Variants in IL1RAPL1 observed in about 807,000 individuals in gnomAD.
IL1RAPL1 encodes the protein interleukin 1 receptor accessory protein like 1.
Under a neutral mutation model 48.4 loss-of-function variants are expected in IL1RAPL1, and 3 were observed. That is an observed-to-expected ratio of 0.06 (90% CI 0.03 to 0.16). The LOEUF (loss-of-function observed/expected upper bound fraction) is 0.16. Among genes scored for constraint, IL1RAPL1 ranks in the 10% least tolerant of loss-of-function variants. The pLI is 1.00. For synonymous variants in IL1RAPL1, 185 were observed against 187.7 expected, an observed-to-expected ratio of 0.99 and a Z score of 0.12; for missense variants, 349 against 530.6, an observed-to-expected ratio of 0.66 and a Z score of 3.36.
intron 6 of IL1RAPL1, among the ~76,000 whole-genome samples, chrX:29,843,907 C>T (rs1221392469): frequency 9.0e-6 from 1 of 110,783 alleles, no homozygotes; most frequent in African/African-American, 3.3e-5. Flanking sequence ...CCCAGATATT[C>T]CAGGCTTGTC....
chrX:28,760,006 T>C (rs1177159213), intron 1 of IL1RAPL1, among the ~76,000 whole-genome samples: 1 of 112,193 alleles, frequency 8.9e-6, no homozygotes, highest in Non-Finnish European at 1.9e-5. Context: ...TATTCTTCTG[T>C]ACTTTTAGGA....
intron 2 of IL1RAPL1, among the ~76,000 whole-genome samples, chrX:28,798,394 T>A (rs1936638457): frequency 9.0e-6 from 1 of 111,691 alleles, no homozygotes; most frequent in Non-Finnish European, 1.9e-5. Context: ...ATCTTACAGT[T>A]CTTGAGGTTC....
chrX:28,821,765 G>A (rs1024760271), intron 2 of IL1RAPL1, among the ~76,000 whole-genome samples: 2 of 111,244 alleles, frequency 1.8e-5, no homozygotes, highest in African/African-American at 6.5e-5. Context: ...GCCAGAAATT[G>A]GGTGAAGTTT....
chrX:29,679,437 T>A (rs1315953165), intron 6 of IL1RAPL1, among the ~76,000 whole-genome samples: 1 of 111,730 alleles, frequency 9.0e-6, no homozygotes, highest in Non-Finnish European at 1.9e-5. Context: ...ACTGAAATAT[T>A]TGGGGTGCAA....
intron 1 of IL1RAPL1, among the ~76,000 whole-genome samples, chrX:28,763,812 T>C (rs945434405): frequency 4.5e-5 from 5 of 110,794 alleles, no homozygotes; most frequent in African/African-American, 1.6e-4. Flanking sequence ...TCCAAACACA[T>C]GGCAACCCTT....
intron 6 of IL1RAPL1, among the ~76,000 whole-genome samples, chrX:29,772,742 T>G (rs1301112325): frequency 8.9e-6 from 1 of 112,062 alleles, no homozygotes; most frequent in Non-Finnish European, 1.9e-5. Context: ...CCTGATTAGT[T>G]TCCCCTCCTC....
intron 5 of IL1RAPL1, among the ~76,000 whole-genome samples, chrX:29,413,406 A>C (rs1329740741): frequency 9.0e-6 from 1 of 110,605 alleles, no homozygotes; most frequent in Non-Finnish European, 1.9e-5. Flanking sequence ...CACAACGTGC[A>C]GGTTTGTTAC....
intron 1 of IL1RAPL1, among the ~76,000 whole-genome samples, chrX:28,760,616 C>T (rs999452404): frequency 2.7e-5 from 3 of 111,419 alleles, no homozygotes; most frequent in African/African-American, 6.5e-5. Flanking sequence ...AATACCATAA[C>T]GTGTAAAAGT....
At chrX:28,603,039 A>G (rs927290707) in intron 1 of IL1RAPL1, among the ~76,000 whole-genome samples, 2 of 111,646 alleles carry the variant, frequency 1.8e-5, no homozygotes, top group Admixed American at 9.6e-5. Flanking sequence ...ACTTTTTGAG[A>G]CTATTGAAAG....
chrX:29,715,220 T>C (rs4128143), intron 6 of IL1RAPL1, among the ~76,000 whole-genome samples: 36,825 of 110,436 alleles, frequency 0.33, 4,889 homozygotes, highest in South Asian at 0.48. Context: ...TCACAACCCC[T>C]TTCTCTGGAG....
At chrX:28,725,282 A>G (rs759658872) in intron 1 of IL1RAPL1, among the ~76,000 whole-genome samples, 5 of 111,449 alleles carry the variant, frequency 4.5e-5, no homozygotes, top group African/African-American at 1.6e-4. Context: ...AATCAAACAC[A>G]TAAACATTCA....
rs192041525 is a variant in IL1RAPL1, at chrX:28,898,346, T to C, written c.82+108921T>C. ...ACTAGTAAGTCTGCCTAACTTAAGA[T>C]CACAAAAATTTCTCCTGTATTTTCT... On this transcript the variant is annotated intron_variant, in intron 2 of 10. Coordinates refer to ENST00000378993, the MANE Select transcript of IL1RAPL1 (RefSeq NM_014271.4). Among the ~76,000 whole-genome samples the C allele has an allele frequency of 8.2e-4, 92 of 112,318 alleles. No homozygotes were observed. The East Asian group carries it at 0.023, about 28-fold the overall frequency.
At chrX:29,146,504 A>G (rs1412874904) in intron 2 of IL1RAPL1, among the ~76,000 whole-genome samples, 3 of 111,601 alleles carry the variant, frequency 2.7e-5, no homozygotes, top group Non-Finnish European at 5.6e-5. Context: ...ATTAGAAAGT[A>G]AACTCTATTA....
chrX:28,696,496 T>G (rs759385270), intron 1 of IL1RAPL1, among the ~76,000 whole-genome samples: 1 of 111,432 alleles, frequency 9.0e-6, no homozygotes, highest in African/African-American at 3.2e-5. Flanking sequence ...TAATAATTTA[T>G]AATATATTTC....
At chrX:28,804,196 A>G (rs1412747334) in intron 2 of IL1RAPL1, among the ~76,000 whole-genome samples, 2 of 111,571 alleles carry the variant, frequency 1.8e-5, no homozygotes, top group Non-Finnish European at 1.9e-5. Context: ...AGTCAGTTCT[A>G]ATTTATTCTT....
At chrX:28,996,307 T>G (rs1215393562) in intron 2 of IL1RAPL1, among the ~76,000 whole-genome samples, 1 of 111,968 alleles carries the variant, frequency 8.9e-6, no homozygotes, top group African/African-American at 3.2e-5. Context: ...TTCTTTTGAT[T>G]TCCACACATC....
chrX:29,076,089 G>T (rs1927663677), intron 2 of IL1RAPL1, among the ~76,000 whole-genome samples: 1 of 111,284 alleles, frequency 9.0e-6, no homozygotes, highest in Non-Finnish European at 1.9e-5. Flanking sequence ...GTGAATCAAT[G>T]GAATTATTTA....
At chrX:29,721,983 T>A (rs1927647760) in intron 6 of IL1RAPL1, among the ~76,000 whole-genome samples, 1 of 112,230 alleles carries the variant, frequency 8.9e-6, no homozygotes, top group South Asian at 3.7e-4. Context: ...TTAGGTAAAT[T>A]ATATTAGCAT....
At chrX:29,690,244 G>T (rs1316791172) in intron 6 of IL1RAPL1, among the ~76,000 whole-genome samples, 1 of 111,752 alleles carries the variant, frequency 8.9e-6, no homozygotes, top group Non-Finnish European at 1.9e-5. Flanking sequence ...GTGGTTACAC[G>T]ACGATAGTAC....
Sources: allele counts gnomAD v4.1 joint callset (sites outside exome capture counted in the v4.1 genomes callset), GRCh38; gene constraint gnomAD v4.1.1; transcripts MANE v1.5; gene names NCBI Gene and HGNC (gene_info 2026-07-23, HGNC 2026-07-21).